ZNF813: variants seen among roughly 807,000 people sequenced by gnomAD.
The protein encoded by ZNF813 is zinc finger protein 813.
A neutral mutation model predicts 7.2 loss-of-function variants in ZNF813; 3 were observed. That is an observed-to-expected ratio of 0.42 (90% CI 0.19 to 1.08). The LOEUF is 1.08. Ranked by LOEUF, ZNF813 falls within the 50% of genes least tolerant of loss-of-function variation. The pLI is 0.30. For missense variants in ZNF813, 714 were observed against 753.3 expected (o/e 0.95, Z 0.61); for synonymous variants, 227 against 256.3 (o/e 0.89, Z 1.09).
intron 1 of ZNF813, chr19:53,480,065 ACT>A: frequency 1.3e-6 from 1 of 762,894 alleles, no homozygotes; most frequent in East Asian, 2.4e-5. Flanking sequence ...GCTGGACCAG[ACT>A]CTGCTTGACC....
At chr19:53,486,275 C>G (rs180729163) in intron 2 of ZNF813, among the ~76,000 whole-genome samples, 2 of 152,124 alleles carry the variant, frequency 1.3e-5, no homozygotes, top group South Asian at 4.1e-4. Context: ...TGTGAAAACC[C>G]GTTTCTACTA....
Position 53,490,472 on chromosome 19 carries a change from T to A in ZNF813, c.240T>A (p.His80Gln). ...HTGTLQRHES[H>Q]HTGDFRFQEI... ...GGACATTGCAAAGACATGAAAGTCATCACACTGGAGACTTTCGCTTTCAGG... is the reference window on the plus strand; with the variant it reads ...GGACATTGCAAAGACATGAAAGTCAACACACTGGAGACTTTCGCTTTCAGG... Residue 80 changes from histidine to glutamine, a missense_variant, in exon 4 of 4, where the codon CAT (histidine) becomes CAA (glutamine). By Grantham distance (24) the His-to-Gln change is conservative (BLOSUM62 0). Around this residue, in one of 3 missense-constraint regions of ZNF813, gnomAD observed 563 missense variants for 554.2 expected, o/e 1.02. Coordinates refer to ENST00000396403, the MANE Select transcript of ZNF813 (RefSeq NM_001004301.4). The A allele has an allele frequency of 6.2e-7, 1 of 1,614,160 alleles. No homozygotes were observed. Among genetic ancestry groups the A allele is most frequent in the East Asian group, 2.2e-5 (1 of 44,886 alleles).
At position 53,491,990 on chromosome 19, in the gene ZNF813, G is replaced by C; in HGVS notation, c.1758G>C (p.Lys586Asn). The change falls in exon 4 of 4, where the codon AAG (lysine) becomes AAC (asparagine). Residue 586 changes from lysine (K) to asparagine (N), a missense_variant. Lys to Asn is a moderately conservative substitution (Grantham distance 94). Transcript: ENST00000396403. Reference protein sequence around the residue: ...EKPYKCNECGKVFNQKANLAR... With the variant: ...EKPYKCNECGNVFNQKANLAR... ...CTTACAAGTGTAATGAATGTGGCAA[G>C]GTTTTTAATCAAAAAGCAAACCTTG... 1 of 1,612,550 alleles carries C rather than the reference G, an allele frequency of 6.2e-7. No individual in the cohort carries two copies. The highest frequency in any genetic ancestry group is 2.2e-5 in the East Asian group (1 of 44,704).
chr19:53,475,748 G>C (rs982123339), intron 1 of ZNF813, among the ~76,000 whole-genome samples: 1 of 152,206 alleles, frequency 6.6e-6, no homozygotes, highest in Admixed American at 6.5e-5. Context: ...TGGTTGTTTG[G>C]ATAAATGTGC....
intron 1 of ZNF813, among the ~76,000 whole-genome samples, chr19:53,469,256 A>G (rs922956449): frequency 1.3e-5 from 2 of 151,950 alleles, no homozygotes; most frequent in African/African-American, 2.4e-5. Context: ...ACAGATCAAA[A>G]TGAAGTTTCT....
At chr19:53,485,611 G>GATAT (rs554765972) in intron 2 of ZNF813, among the ~76,000 whole-genome samples, 21 of 74,110 alleles carry the variant, frequency 2.8e-4, no homozygotes, top group African/African-American at 8.9e-4. Flanking sequence ...TATATATCGT[G>GATAT]ATATATACAT....
intron 1 of ZNF813, among the ~76,000 whole-genome samples, chr19:53,481,012 T>C (rs2086405701): frequency 6.6e-6 from 1 of 152,116 alleles, no homozygotes; most frequent in Middle Eastern, 3.4e-3. Flanking sequence ...AAGAAGCAGG[T>C]GGTGAGGATG....
chr19:53,472,863 C>T (rs1029456084), intron 1 of ZNF813, among the ~76,000 whole-genome samples: 6 of 152,064 alleles, frequency 3.9e-5, no homozygotes, highest in East Asian at 3.9e-4. Context: ...CCACCTGCCT[C>T]GGCCTCCCAG....
chr19:53,478,809 TAAA>T (rs1252980655), intron 1 of ZNF813, among the ~76,000 whole-genome samples: 3 of 149,562 alleles, frequency 2.0e-5, no homozygotes, highest in Non-Finnish European at 4.4e-5. Flanking sequence ...AAAAATAAAA[TAAA>T]AAACAAAAGG....
At chr19:53,481,346 T>A (rs1321336436) in intron 1 of ZNF813, among the ~76,000 whole-genome samples, 2 of 32,204 alleles carry the variant, frequency 6.2e-5, no homozygotes, top group African/African-American at 8.8e-5. Context: ...CATGTATTCT[T>A]TTTTTTTTTT....
At chr19:53,478,887 A>G (rs1281883983) in intron 1 of ZNF813, among the ~76,000 whole-genome samples, 4 of 143,574 alleles carry the variant, frequency 2.8e-5, no homozygotes, top group Non-Finnish European at 6.1e-5. Context: ...TTTCCTCTTC[A>G]TTGCTTTTTT....
intron 1 of ZNF813, among the ~76,000 whole-genome samples, chr19:53,481,318 T>TG (rs2086407227): frequency 6.7e-6 from 1 of 149,080 alleles, no homozygotes; most frequent in African/African-American, 2.5e-5. Flanking sequence ...CAACATGGAA[T>TG]GCTATTCTAA....
chr19:53,480,376 A>C lies in ZNF813; in HGVS notation c.-73-3374A>C, dbSNP rs565947085. Among the ~76,000 whole-genome samples, 644 of 152,234 alleles carry C rather than the reference A, an allele frequency of 4.2e-3. 6 individuals are homozygous for C. Among genetic ancestry groups the C allele is most frequent in the African/African-American group, 0.015 (608 of 41,536 alleles). Reference sequence around the variant, plus strand: ...GCATGTTGTGATGTAAAAAAAAAAAAAAAAACATAATTACTTCTGGAAGAT... The same window carrying C: ...GCATGTTGTGATGTAAAAAAAAAAACAAAAACATAATTACTTCTGGAAGAT... On this transcript the variant is annotated intron_variant, in intron 1 of 3. Coordinates refer to ENST00000396403, the MANE Select transcript of ZNF813 (RefSeq NM_001004301.4).
In ZNF813 at chr19:53,492,603, A is replaced by G; in HGVS notation, c.*517A>G. On this transcript the variant is annotated 3_prime_UTR_variant, in exon 4 of 4. Transcript: ENST00000396403. ...AGTCAACACTTACTCACCATCAGGC[A>G]ATCCATGGTGAAGGAAACTTGACTA... 1 of 667,214 alleles carries G rather than the reference A, an allele frequency of 1.5e-6. No homozygotes were observed. Among genetic ancestry groups the G allele is most frequent in the Non-Finnish European group, 2.6e-6 (1 of 385,118 alleles). 41.3% of individuals were successfully genotyped at this position (667,214 alleles called of 1,614,324 possible). A position where few individuals can be genotyped will look rare whatever the true frequency, so the allele number is the denominator to read the frequency against.
intron 1 of ZNF813, among the ~76,000 whole-genome samples, chr19:53,481,415 A>C (rs1034714921): frequency 4.4e-5 from 6 of 135,564 alleles, no homozygotes; most frequent in African/African-American, 1.7e-4. Flanking sequence ...GGTGTGATCT[A>C]GGCTCACTAC....
At chr19:53,481,988 G>A (rs975896055) in intron 1 of ZNF813, among the ~76,000 whole-genome samples, 10 of 152,126 alleles carry the variant, frequency 6.6e-5, no homozygotes, top group African/African-American at 2.2e-4. Context: ...GTAGCTTGGT[G>A]AAAATTTCTC....
At chr19:53,483,651 G>T in intron 1 of ZNF813, 99 bp from the exon 2 acceptor site, 2 of 1,221,276 alleles carry the variant, frequency 1.6e-6, no homozygotes, top group African/African-American at 1.5e-5. Flanking sequence ...ATAGGGGACC[G>T]TATTTCCTCA....
chr19:53,473,160 A>G (rs11668358), intron 1 of ZNF813, among the ~76,000 whole-genome samples: 29,778 of 151,878 alleles, frequency 0.2, 3,179 homozygotes, highest in East Asian at 0.27. Flanking sequence ...CGACAGAACA[A>G]TAATAAAACA....
chr19:53,483,747 C>T lies in ZNF813; in HGVS notation c.-73-3C>T. 1 of 1,607,674 alleles carries T rather than the reference C, an allele frequency of 6.2e-7. No individual in the cohort carries two copies. Among genetic ancestry groups the T allele is most frequent in the Non-Finnish European group, 8.5e-7 (1 of 1,177,664 alleles). Reference sequence around the variant, plus strand: ...CAATAAACAACATATTTCTAACATTCAGGATTGACTTCTAAAGACTCTTGG... The same window carrying T: ...CAATAAACAACATATTTCTAACATTTAGGATTGACTTCTAAAGACTCTTGG... On this transcript the variant is annotated splice_region_variant and splice_polypyrimidine_tract_variant and intron_variant, in intron 1 of 3. Coordinates refer to ENST00000396403, the MANE Select transcript of ZNF813 (RefSeq NM_001004301.4).
Sources: allele counts gnomAD v4.1 joint callset (sites outside exome capture counted in the v4.1 genomes callset), GRCh38; gene constraint gnomAD v4.1.1; regional missense constraint gnomAD v4.1.1; transcripts MANE v1.5; gene names NCBI Gene and HGNC (gene_info 2026-07-23, HGNC 2026-07-21).